RPRD1B: variants seen among roughly 807,000 people sequenced by gnomAD.
RPRD1B encodes the protein regulation of nuclear pre-mRNA domain containing 1B, also known as regulation of nuclear pre-mRNA domain-containing protein 1B.
RPRD1B carries 11 observed loss-of-function variants against 41.5 expected under a neutral mutation model. That is an observed-to-expected ratio of 0.27 (90% CI 0.17 to 0.44). RPRD1B has a LOEUF of 0.44. Among genes scored for constraint, RPRD1B ranks in the 20% least tolerant of loss-of-function variants. RPRD1B has a pLI of 1.00. For synonymous variants in RPRD1B, 158 were observed against 155.6 expected (o/e 1.02, Z -0.12); for missense variants, 248 against 389.9 (o/e 0.64, Z 3.06).
chr20:38,043,014 T>C (rs1258280596), intron 2 of RPRD1B, among the ~76,000 whole-genome samples: 1 of 152,232 alleles, frequency 6.6e-6, no homozygotes, highest in Non-Finnish European at 1.5e-5. Flanking sequence ...CATGTCATTT[T>C]TCATTCAACA....
chr20:38,045,594 A>C (rs1433038782), intron 2 of RPRD1B, among the ~76,000 whole-genome samples: 6 of 152,228 alleles, frequency 3.9e-5, no homozygotes, highest in African/African-American at 1.4e-4. Context: ...AGGTTTGAGC[A>C]TCATTTTCCA....
At chr20:38,049,620 A>C in intron 3 of RPRD1B, 1 of 420,008 alleles carries the variant, frequency 2.4e-6, no homozygotes, top group Admixed American at 2.7e-5. Context: ...CACCCGCCTC[A>C]GCCTCCCAAA....
intron 6 of RPRD1B, among the ~76,000 whole-genome samples, chr20:38,079,400 T>A (rs1208978723): frequency 6.6e-6 from 1 of 152,160 alleles, no homozygotes; most frequent in Non-Finnish European, 1.5e-5. Context: ...TTTTCAGTTC[T>A]CACCCTCCTC....
intron 3 of RPRD1B, among the ~76,000 whole-genome samples, chr20:38,052,941 A>G (rs1005551651): frequency 3.9e-5 from 6 of 151,980 alleles, no homozygotes; most frequent in African/African-American, 1.2e-4. Flanking sequence ...ATCAGGTTGT[A>G]AGAGGCATAC....
rs2074616022 is a variant in RPRD1B, at chr20:38,092,067, T to A, written c.*2192T>A. On this transcript the variant is annotated 3_prime_UTR_variant, in exon 7 of 7. Coordinates refer to ENST00000373433, the MANE Select transcript of RPRD1B (RefSeq NM_021215.4). ...TTTGTTTAATTTAAATGAACTTTCC[T>A]CCTTGTATGTATGAGGTGACTTGGT... is the stretch of plus-strand genomic sequence containing the variant. 2.1e-5 allele frequency: 21 copies of A among 985,852 alleles called. No homozygotes were observed. The highest frequency in any genetic ancestry group is 2.4e-5 in the Non-Finnish European group (20 of 829,926). 61.1% of individuals were successfully genotyped at this position (985,852 alleles called of 1,614,324 possible). A position where few individuals can be genotyped will look rare whatever the true frequency, so the allele number is the denominator to read the frequency against.
At chr20:38,062,836 C>CG (rs1555801169) in intron 5 of RPRD1B, among the ~76,000 whole-genome samples, 1 of 100,504 alleles carries the variant, frequency 9.9e-6, no homozygotes, top group Non-Finnish European at 1.9e-5. Flanking sequence ...GAGCCCCCCC[C>CG]CCTTTTTTTT....
chr20:38,088,977 C>T (rs975149233), intron 6 of RPRD1B, among the ~76,000 whole-genome samples: 3 of 152,118 alleles, frequency 2.0e-5, no homozygotes, highest in African/African-American at 7.2e-5. Flanking sequence ...AAAAAATGGT[C>T]CACACAGACA....
chr20:38,047,981 A>G (rs528895184), intron 2 of RPRD1B, among the ~76,000 whole-genome samples: 2 of 152,142 alleles, frequency 1.3e-5, no homozygotes, highest in South Asian at 2.1e-4. Flanking sequence ...TCATTTTTCT[A>G]TCTTTAAGAG....
At chr20:38,049,367 CTTTTT>C (rs11481142) in intron 3 of RPRD1B, among the ~76,000 whole-genome samples, 5 of 93,418 alleles carry the variant, frequency 5.4e-5, no homozygotes, top group African/African-American at 2.2e-4. Flanking sequence ...TTCTTTTTTT[CTTTTT>C]TTTTTTTTTT....
At position 38,078,804 on chromosome 20, in the gene RPRD1B, A is replaced by AT. The variant is rs199762397; in HGVS notation, c.832-10913dup. On this transcript the variant is annotated intron_variant, in intron 6 of 6. Coordinates refer to ENST00000373433, the MANE Select transcript of RPRD1B (RefSeq NM_021215.4). ...TACCACCAAGTTTAAAAATTCTGTG[A>AT]TTTTTTTTTGTTTTCCAATATTATA... Among the ~76,000 whole-genome samples the AT allele has an allele frequency of 9.8e-3, 1,483 of 151,668 alleles. 14 individuals are homozygous for AT. The highest frequency in any genetic ancestry group is 0.025 in the African/African-American group (1,045 of 41,352).
At chr20:38,041,703 C>T (rs1240553429) in intron 2 of RPRD1B, among the ~76,000 whole-genome samples, 5 of 152,196 alleles carry the variant, frequency 3.3e-5, no homozygotes, top group African/African-American at 1.2e-4. Flanking sequence ...CTGCCTCAGA[C>T]ACTATGTGAG....
At position 38,091,936 on chromosome 20, in the gene RPRD1B, C is replaced by G. The variant is rs2074615258; in HGVS notation, c.*2061C>G. ...TGTGTTGGCCTCTTAATACCTGTTA[C>G]TAGTGGACTTCCTGTGAGGAAGTTA... On this transcript the variant is annotated 3_prime_UTR_variant, in exon 7 of 7. Transcript: ENST00000373433. 1 of 985,730 alleles carries G rather than the reference C, an allele frequency of 1.0e-6. No individual in the cohort carries two copies. The highest frequency in any genetic ancestry group is 1.7e-5 in the African/African-American group (1 of 57,226). 61.1% of individuals were successfully genotyped at this position (985,730 alleles called of 1,614,324 possible).
chr20:38,072,028 A>G (rs1318412711), intron 6 of RPRD1B, among the ~76,000 whole-genome samples: 2 of 151,948 alleles, frequency 1.3e-5, no homozygotes, highest in Non-Finnish European at 2.9e-5. Context: ...TATGAGTTCC[A>G]ATTTATCTAT....
Position 38,091,917 on chromosome 20 carries a change from G to A in RPRD1B, c.*2042G>A, listed in dbSNP as rs2074615117. The stretch of plus-strand genomic sequence containing the variant: ...TAGCAATTATGTAAATGAATGTGTT[G>A]GCCTCTTAATACCTGTTACTAGTGG... On this transcript the variant is annotated 3_prime_UTR_variant, in exon 7 of 7. Coordinates refer to ENST00000373433, the MANE Select transcript of RPRD1B (RefSeq NM_021215.4). The A allele has an allele frequency of 2.0e-6, 2 of 985,790 alleles. No homozygotes were observed. The highest frequency in any genetic ancestry group is 2.4e-6 in the Non-Finnish European group (2 of 829,890). The allele number at this position is 985,790 out of a possible 1,614,324, so 61.1% of individuals were successfully genotyped here. A position where few individuals can be genotyped will look rare whatever the true frequency, so the allele number is the denominator to read the frequency against.
intron 1 of RPRD1B, among the ~76,000 whole-genome samples, chr20:38,034,700 G>T (rs1002621479): frequency 7.2e-5 from 11 of 152,142 alleles, no homozygotes; most frequent in African/African-American, 2.7e-4. Flanking sequence ...CCCATCTTAG[G>T]TTAAGGGGCC....
intron 5 of RPRD1B, among the ~76,000 whole-genome samples, chr20:38,063,923 G>C (rs945575946): frequency 2.5e-4 from 38 of 152,194 alleles, no homozygotes; most frequent in African/African-American, 8.4e-4. Context: ...TTGTGTAAAT[G>C]AATTATTTCC....
At chr20:38,061,842 G>T (rs964952952) in intron 5 of RPRD1B, among the ~76,000 whole-genome samples, 1 of 152,172 alleles carries the variant, frequency 6.6e-6, no homozygotes, top group East Asian at 1.9e-4. Context: ...TGGTGTAGTA[G>T]TTGGAATAAT....
At chr20:38,063,198 A>T (rs988193466) in intron 5 of RPRD1B, among the ~76,000 whole-genome samples, 1 of 151,954 alleles carries the variant, frequency 6.6e-6, no homozygotes, top group Non-Finnish European at 1.5e-5. Context: ...TTGTTTACGT[A>T]TCACCTTAGC....
intron 6 of RPRD1B, among the ~76,000 whole-genome samples, chr20:38,070,962 T>C (rs143551499): frequency 0.013 from 1,974 of 152,206 alleles, 43 homozygotes; most frequent in African/African-American, 0.045. Flanking sequence ...GAACTCCTGA[T>C]CTCAGGTGAT....
Sources: allele counts gnomAD v4.1 joint callset (sites outside exome capture counted in the v4.1 genomes callset), GRCh38; gene constraint gnomAD v4.1.1; transcripts MANE v1.5; gene names NCBI Gene and HGNC (gene_info 2026-07-23, HGNC 2026-07-21).